Variants in OSBPL9 observed in about 807,000 individuals in gnomAD.
OSBPL9 encodes the protein oxysterol-binding protein-related protein 9.
OSBPL9 carries 40 observed loss-of-function variants against 106.6 expected under a neutral mutation model. That is an observed-to-expected ratio of 0.38 (90% CI 0.29 to 0.49). The LOEUF is 0.49. Among genes scored for constraint, OSBPL9 ranks in the 20% least tolerant of loss-of-function variants. OSBPL9 has a pLI of 0.97. For missense variants in OSBPL9, 609 were observed against 887.2 expected (o/e 0.69, Z 3.98); for synonymous variants, 269 against 295.4 (o/e 0.91, Z 0.92).
chr1:51,529,209 T>C, the OSBPL9 span, among the ~76,000 whole-genome samples: 3 of 152,076 alleles, frequency 2.0e-5, no homozygotes, highest in African/African-American at 7.2e-5. Flanking sequence ...ATCTTAACAA[T>C]GAAGAACAAA....
chr1:51,778,736 C>G (rs756702643), intron 15 of OSBPL9, among the ~76,000 whole-genome samples: 52 of 152,022 alleles, frequency 3.4e-4, no homozygotes, highest in Non-Finnish European at 5.6e-4. Flanking sequence ...CCCCGCCCCC[C>G]CAAAAAATCA....
chr1:51,639,827 T>G (rs1262797336), intron 1 of OSBPL9, among the ~76,000 whole-genome samples: 4 of 137,448 alleles, frequency 2.9e-5, no homozygotes, highest in Non-Finnish European at 4.7e-5. Flanking sequence ...TTTTTTTTTT[T>G]TTTTTTTTTT....
intron 2 of OSBPL9, among the ~76,000 whole-genome samples, chr1:51,600,512 CATTATT>C (rs1645321341): frequency 6.6e-6 from 1 of 152,054 alleles, no homozygotes; most frequent in Non-Finnish European, 1.5e-5. Flanking sequence ...ATTATATATT[CATTATT>C]ATTATGTTCT....
At chr1:51,529,898 G>A in the OSBPL9 span, among the ~76,000 whole-genome samples, 1 of 151,632 alleles carries the variant, frequency 6.6e-6, no homozygotes, top group African/African-American at 2.4e-5. Flanking sequence ...GAGGCTGGGT[G>A]CGGTGGCTCA....
intron 1 of OSBPL9, among the ~76,000 whole-genome samples, chr1:51,622,920 A>G (rs185323752): frequency 6.6e-5 from 10 of 152,294 alleles, no homozygotes; most frequent in African/African-American, 2.4e-4. Context: ...ATTTTAAACC[A>G]CCACAATCAC....
At chr1:51,677,584 G>T (rs377158686) in intron 3 of OSBPL9, among the ~76,000 whole-genome samples, 1 of 151,718 alleles carries the variant, frequency 6.6e-6, no homozygotes, top group Non-Finnish European at 1.5e-5. Context: ...TCTCGCCCAG[G>T]CTTGTCGCCC....
At chr1:51,663,035 C>T (rs761781787) in intron 2 of OSBPL9, among the ~76,000 whole-genome samples, 1 of 152,068 alleles carries the variant, frequency 6.6e-6, no homozygotes, top group Non-Finnish European at 1.5e-5. Flanking sequence ...TGAGCCACCG[C>T]ACCTGGCCAA....
chr1:51,625,527 CT>C (rs113738844), intron 1 of OSBPL9, among the ~76,000 whole-genome samples: 3,885 of 141,720 alleles, frequency 0.027, 73 homozygotes, highest in Middle Eastern at 0.095. Context: ...TCTTCTTCTT[CT>C]TTTTTTTTTT....
chr1:51,532,742 A>G, the OSBPL9 span, among the ~76,000 whole-genome samples: 2 of 152,156 alleles, frequency 1.3e-5, no homozygotes, highest in South Asian at 4.1e-4. Flanking sequence ...AAGAGGACCT[A>G]TCAAGGGAGT....
chr1:51,575,844 G>A (rs899753980), upstream of OSBPL9, among the ~76,000 whole-genome samples: 14 of 152,154 alleles, frequency 9.2e-5, no homozygotes, highest in African/African-American at 3.4e-4. Flanking sequence ...TATACCAAAA[G>A]GAAAGTAACA....
intron 1 of OSBPL9, among the ~76,000 whole-genome samples, chr1:51,618,816 A>G (rs922381994): frequency 7.9e-5 from 12 of 152,202 alleles, no homozygotes; most frequent in African/African-American, 2.9e-4. Flanking sequence ...CAATTTGCTC[A>G]ACATCACATA....
the OSBPL9 span, among the ~76,000 whole-genome samples, chr1:51,542,470 A>C: frequency 2.0e-5 from 3 of 152,146 alleles, no homozygotes; most frequent in Admixed American, 2.0e-4. Context: ...TTTAAGGGCA[A>C]CCATTTGAAC....
At chr1:51,674,492 G>GGTCCC (rs1650703339) in intron 3 of OSBPL9, among the ~76,000 whole-genome samples, 1 of 152,124 alleles carries the variant, frequency 6.6e-6, no homozygotes, top group Admixed American at 6.5e-5. Context: ...GACCTCTTAT[G>GGTCCC]TTTAAGGTGT....
Position 51,663,785 on chromosome 1 carries a change from C to CAGAA in OSBPL9, c.163-5649_163-5648insAGAA, listed in dbSNP as rs1480799493. Among the ~76,000 whole-genome samples the CAGAA allele has an allele frequency of 3.4e-4, 52 of 152,282 alleles. 1 individual carries two copies. The highest frequency in any genetic ancestry group is 1.2e-3 in the African/African-American group (51 of 41,558). ...TCATACCCATGATATAGAAAGAACT[C>CAGAA]CTACAAGTCATTAGAAAAAGATAGT... On this transcript the variant is annotated intron_variant, in intron 2 of 23. Transcript: ENST00000428468.
intron 2 of OSBPL9, among the ~76,000 whole-genome samples, chr1:51,654,233 G>A (rs1290016572): frequency 1.3e-5 from 2 of 152,130 alleles, no homozygotes; most frequent in African/African-American, 4.8e-5. Context: ...AGAACATAGT[G>A]TCTAGTTTTT....
intron 1 of OSBPL9, among the ~76,000 whole-genome samples, chr1:51,645,435 C>T (rs1295482579): frequency 6.6e-6 from 1 of 151,016 alleles, no homozygotes; most frequent in Non-Finnish European, 1.5e-5. Context: ...TTCTCTCATT[C>T]TTTGGTTTGT....
At position 51,787,436 on chromosome 1, in the gene OSBPL9, A is replaced by AAAG; in HGVS notation, c.2086_2088dup (p.Arg696dup). Reference sequence around the variant, plus strand: ...GCAAAGCACAGGCTTGAAGAAAGACAAAGAGCAGAAGCCCGAGAAAGGAAG... The same window carrying AAAG: ...GCAAAGCACAGGCTTGAAGAAAGACAAAGAAGAGCAGAAGCCCGAGAAAGGAAG... On this transcript the variant is annotated inframe_insertion, in exon 23 of 24. Transcript: ENST00000428468. 1 of 1,614,092 alleles carries AAAG rather than the reference A, an allele frequency of 6.2e-7. No homozygotes were observed. The highest frequency in any genetic ancestry group is 8.5e-7 in the Non-Finnish European group (1 of 1,179,928).
Position 51,766,001 on chromosome 1 carries a change from A to G in OSBPL9, c.938+20A>G. 1 of 1,557,712 alleles carries G rather than the reference A, an allele frequency of 6.4e-7. No individual in the cohort carries two copies. Among genetic ancestry groups the G allele is most frequent in the Non-Finnish European group, 8.7e-7 (1 of 1,149,640 alleles). ...AATAGAGTGAGTAGATGAACAGAATATGTATTTAAATGATTCTCCTGATTT... is the reference window on the plus strand; with the variant it reads ...AATAGAGTGAGTAGATGAACAGAATGTGTATTTAAATGATTCTCCTGATTT... On this transcript the variant is annotated intron_variant, in intron 12 of 23. Transcript: ENST00000428468.
chr1:51,735,247 C>T (rs116181683), intron 4 of OSBPL9, among the ~76,000 whole-genome samples: 1,946 of 152,294 alleles, frequency 0.013, 39 homozygotes, highest in African/African-American at 0.042. Flanking sequence ...GTCCACTGGC[C>T]GGTGGGAACC....
Sources: gnomAD v4.1 joint callset for allele counts (sites outside exome capture counted in the v4.1 genomes callset) on GRCh38, gnomAD v4.1.1 for gene constraint, MANE v1.5 for transcripts, NCBI Gene and HGNC (gene_info 2026-07-23, HGNC 2026-07-21) for gene names.